The following PGAP1 variants were observed in gnomAD, a reference collection of about 807,000 sequenced individuals.
PGAP1 encodes the protein post-GPI attachment to proteins inositol deacylase 1.
Under a neutral mutation model 127.0 loss-of-function variants are expected in PGAP1, and 76 were observed. The ratio of observed to expected loss-of-function variants is 0.60; its 90% CI spans 0.50 to 0.72. The LOEUF (loss-of-function observed/expected upper bound fraction) is 0.72. Ranked by LOEUF, PGAP1 falls within the 30% of genes least tolerant of loss-of-function variation. PGAP1 has a pLI of 0.00. For missense variants in PGAP1, 982 were observed against 1,071.3 expected (o/e 0.92, Z 1.16); for synonymous variants, 362 against 366.5 (o/e 0.99, Z 0.14).
chr2:196,862,481 T>C (rs1191167231), intron 20 of PGAP1, among the ~76,000 whole-genome samples: 1 of 152,204 alleles, frequency 6.6e-6, no homozygotes, highest in Non-Finnish European at 1.5e-5. Flanking sequence ...CCTTGTGATA[T>C]TCTATTACCT....
intron 20 of PGAP1, among the ~76,000 whole-genome samples, chr2:196,860,235 A>T (rs1486063235): frequency 6.6e-6 from 1 of 152,194 alleles, no homozygotes; most frequent in Non-Finnish European, 1.5e-5. Context: ...AAAAATCTGA[A>T]AAAGAAATCA....
At chr2:196,845,828 A>G in intron 23 of PGAP1, 54 bp downstream of exon 23, 2 of 1,470,816 alleles carry the variant, frequency 1.4e-6, no homozygotes, top group Non-Finnish European at 9.2e-7. Flanking sequence ...AACATCCTAC[A>G]TGTATGTGCC....
intron 2 of PGAP1, among the ~76,000 whole-genome samples, chr2:196,917,520 C>A (rs1703056335): frequency 6.6e-6 from 1 of 152,130 alleles, no homozygotes; most frequent in Non-Finnish European, 1.5e-5. Context: ...TCACTCCTCC[C>A]AAATCCTAGG....
Position 196,863,546 on chromosome 2 carries a change from G to A in PGAP1, c.1861+1441C>T, listed in dbSNP as rs147699036. Reference sequence around the variant, plus strand: ...GATCTCATGGAGCTAGAGAATAGATGGTTACCAGAGGGTGGGAAAGGTAAA... The same window carrying A: ...GATCTCATGGAGCTAGAGAATAGATAGTTACCAGAGGGTGGGAAAGGTAAA... On this transcript the variant is annotated intron_variant, in intron 20 of 26. Coordinates refer to ENST00000354764, the MANE Select transcript of PGAP1 (RefSeq NM_024989.4). Among the ~76,000 whole-genome samples the A allele has an allele frequency of 1.5e-3, 226 of 152,256 alleles. 1 individual carries two copies. The highest frequency in any genetic ancestry group is 5.2e-3 in the African/African-American group (217 of 41,542).
chr2:196,862,137 G>C (rs1259837037), intron 20 of PGAP1, among the ~76,000 whole-genome samples: 1 of 151,876 alleles, frequency 6.6e-6, no homozygotes, highest in Non-Finnish European at 1.5e-5. Flanking sequence ...AAAGCAAATG[G>C]GAGAAATATC....
At chr2:196,885,752 C>A in intron 11 of PGAP1, 82 bp downstream of exon 11, 2 of 866,360 alleles carry the variant, frequency 2.3e-6, no homozygotes, top group Non-Finnish European at 3.3e-6. Flanking sequence ...ATGAAAATAA[C>A]AATGTATGAA....
At chr2:196,898,265 G>A (rs779881112) in intron 6 of PGAP1, 52 bp downstream of exon 6, 4 of 1,242,014 alleles carry the variant, frequency 3.2e-6, no homozygotes, top group Non-Finnish European at 3.5e-6. Context: ...GCATTGAGGA[G>A]AAAGAGGACC....
At chr2:196,843,313 C>T (rs966248066) in intron 25 of PGAP1, among the ~76,000 whole-genome samples, 1 of 152,016 alleles carries the variant, frequency 6.6e-6, no homozygotes, top group Non-Finnish European at 1.5e-5. Context: ...AATCTGTGAA[C>T]AAACATCTGG....
intron 4 of PGAP1, among the ~76,000 whole-genome samples, chr2:196,905,728 A>G (rs1046708495): frequency 2.0e-5 from 3 of 149,002 alleles, no homozygotes; most frequent in African/African-American, 7.4e-5. Context: ...CAGTGGGCGC[A>G]GGCCAGTGTG....
rs1227278606 is a variant in PGAP1, at chr2:196,840,550, G to T, written c.*684C>A. 6.6e-6 allele frequency: 1 copy of T among 151,718 alleles called. No homozygotes were observed. Among genetic ancestry groups the T allele is most frequent in the Admixed American group, 6.6e-5 (1 of 15,248 alleles). The allele number at this position is 151,718 out of a possible 1,614,324, so 9.4% of individuals were successfully genotyped here. A position where few individuals can be genotyped will look rare whatever the true frequency, so the allele number is the denominator to read the frequency against. ...TCCTGATGTTCACCGAGAATATATAGTAAGATTCATATTTGAAAAATAGCA... is the reference window on the plus strand; with the variant it reads ...TCCTGATGTTCACCGAGAATATATATTAAGATTCATATTTGAAAAATAGCA... On this transcript the variant is annotated 3_prime_UTR_variant, in exon 27 of 27. Coordinates refer to ENST00000354764, the MANE Select transcript of PGAP1 (RefSeq NM_024989.4).
At chr2:196,855,325 C>CCA (rs1700843459) in intron 20 of PGAP1, among the ~76,000 whole-genome samples, 2 of 67,150 alleles carry the variant, frequency 3.0e-5, no homozygotes, top group African/African-American at 1.0e-4. Flanking sequence ...ACTCTGTCAC[C>CCA]AAAAAAAAAA....
At chr2:196,865,929 C>T (rs931623607) in intron 19 of PGAP1, among the ~76,000 whole-genome samples, 10 of 152,032 alleles carry the variant, frequency 6.6e-5, no homozygotes, top group African/African-American at 2.4e-4. Flanking sequence ...ATATGAAGGA[C>T]CTCTTCAAGG....
At chr2:196,926,182 G>C (rs1006207102) in intron 1 of PGAP1, among the ~76,000 whole-genome samples, 2 of 152,050 alleles carry the variant, frequency 1.3e-5, no homozygotes, top group African/African-American at 2.4e-5. Flanking sequence ...CCAGGATTTG[G>C]GGCTGGGGAG....
chr2:196,862,428 G>A (rs62185641), intron 20 of PGAP1, among the ~76,000 whole-genome samples: 14,331 of 151,992 alleles, frequency 0.094, 721 homozygotes, highest in South Asian at 0.13. Flanking sequence ...TTTTAATTTC[G>A]CCCCGGTCCT....
chr2:196,844,562 G>T lies in PGAP1; in HGVS notation c.2299C>A (p.Gln767Lys), dbSNP rs892651757. The change falls in exon 24 of 27, where the codon CAA (glutamine) becomes AAA (lysine). Residue 767 changes from glutamine to lysine, a missense_variant. Physicochemically the swap from Gln to Lys is moderately conservative, Grantham distance 53. Coordinates refer to ENST00000354764, the MANE Select transcript of PGAP1 (RefSeq NM_024989.4). ...TTCTTAAAAGTTGTTAAGCTGGCTTGCAGATGAACAACCTAAGAAAAATAA... is the reference window on the plus strand; with the variant it reads ...TTCTTAAAAGTTGTTAAGCTGGCTTTCAGATGAACAACCTAAGAAAAATAA... ...LYYVFKVVHL[Q>K]ASLTTFKNSQ... 3.8e-6 allele frequency: 6 copies of T among 1,595,716 alleles called. No homozygotes were observed. Among genetic ancestry groups the T allele is most frequent in the South Asian group, 3.5e-5 (3 of 86,672 alleles).
chr2:196,887,333 G>A (rs187340917), intron 10 of PGAP1, among the ~76,000 whole-genome samples: 1 of 152,144 alleles, frequency 6.6e-6, no homozygotes, highest in East Asian at 1.9e-4. Context: ...GCAGTGAGCC[G>A]AGATCGCGCC....
rs570451358 is a variant in PGAP1 at position 196,924,737 on chromosome 2, A to G, written c.147+1733T>C. Among the ~76,000 whole-genome samples, 5 of 152,322 alleles carry G rather than the reference A, an allele frequency of 3.3e-5. No individual in the cohort carries two copies. The East Asian group carries it at 9.6e-4, about 29-fold the overall frequency. On this transcript the variant is annotated intron_variant, in intron 1 of 26. Transcript: ENST00000354764. The stretch of plus-strand genomic sequence containing the variant: ...ACAATAAAAACCCAAAGAGCTCTTT[A>G]CCATTAGCTACACTAATTTTCTGTT...
chr2:196,902,345 T>G (rs1702523729), intron 5 of PGAP1, among the ~76,000 whole-genome samples: 2 of 152,168 alleles, frequency 1.3e-5, no homozygotes, highest in South Asian at 4.1e-4. Flanking sequence ...GCCATCCTTT[T>G]TACTCCCTAT....
chr2:196,873,323 A>C (rs1390259355), intron 16 of PGAP1, among the ~76,000 whole-genome samples: 1 of 152,134 alleles, frequency 6.6e-6, no homozygotes, highest in Non-Finnish European at 1.5e-5. Context: ...GTGGATATTT[A>C]AACTGAAACA....
Sources: gnomAD v4.1 joint callset for allele counts (sites outside exome capture counted in the v4.1 genomes callset) on GRCh38, gnomAD v4.1.1 for gene constraint, MANE v1.5 for transcripts, NCBI Gene and HGNC (gene_info 2026-07-23, HGNC 2026-07-21) for gene names.